Variants in ROCK1 observed in about 807,000 individuals in gnomAD.
ROCK1 encodes the protein Rho associated coiled-coil containing protein kinase 1.
In ROCK1, 36 loss-of-function variants were observed where a neutral mutation model predicts 196.8. That is an observed-to-expected ratio of 0.18 (90% CI 0.14 to 0.24). ROCK1 has a LOEUF of 0.24. ROCK1 is among the 10% of genes least tolerant of loss of function. The pLI, the probability that ROCK1 is intolerant of heterozygous loss-of-function variation, is 1.00. For missense variants in ROCK1, 920 were observed against 1,562.0 expected, an observed-to-expected ratio of 0.59 and a Z score of 6.93; for synonymous variants, 443 against 515.9, an observed-to-expected ratio of 0.86 and a Z score of 1.91.
At chr18:21,103,192 T>C (rs2036674232) in intron 1 of ROCK1, among the ~76,000 whole-genome samples, 1 of 152,148 alleles carries the variant, frequency 6.6e-6, no homozygotes, top group African/African-American at 2.4e-5. Context: ...TTACACTTCC[T>C]ATGTTCAGAA....
intron 11 of ROCK1, among the ~76,000 whole-genome samples, 168 bp downstream of exon 11, chr18:21,023,452 G>A (rs1454422942): frequency 1.3e-5 from 2 of 151,996 alleles, no homozygotes; most frequent in African/African-American, 2.4e-5. Flanking sequence ...TGATATTTGA[G>A]CAAAAAATCA....
chr18:21,101,421 A>G (rs1161986293), intron 1 of ROCK1, among the ~76,000 whole-genome samples: 1 of 152,246 alleles, frequency 6.6e-6, no homozygotes, highest in Non-Finnish European at 1.5e-5. Context: ...TGTGAGGCAA[A>G]AGAAAATACA....
Position 20,959,889 on chromosome 18 carries a change from C to T in ROCK1, c.3463G>A (p.Asp1155Asn). The T allele has an allele frequency of 6.2e-7, 1 of 1,611,056 alleles. No individual in the cohort carries two copies. Residue 1155 changes from aspartate (D) to asparagine (N), a missense_variant, in exon 29 of 33, where the codon GAC becomes AAC. This residue lies in a region of ROCK1 where 116 missense variants were observed against 204.2 expected (regional missense o/e 0.57). Transcript: ENST00000399799. The stretch of plus-strand genomic sequence containing the variant: ...TTGGATTGCTCCTTATCTTGTTCGT[C>T]ATTATAGAACAAAATTTTTTTGCTG... Reference protein sequence around the residue: ...VSSKKILFYNDEQDKEQSNPS... With the variant: ...VSSKKILFYNNEQDKEQSNPS...
chr18:21,108,508 C>T (rs575390550), intron 1 of ROCK1, among the ~76,000 whole-genome samples: 1 of 152,284 alleles, frequency 6.6e-6, no homozygotes, highest in African/African-American at 2.4e-5. Context: ...CACAACGAAT[C>T]TAAAATTGAA....
chr18:21,011,003 CT>C (rs1206880363), intron 13 of ROCK1, among the ~76,000 whole-genome samples: 1 of 152,064 alleles, frequency 6.6e-6, no homozygotes, highest in Non-Finnish European at 1.5e-5. Context: ...ATGCTGCTTT[CT>C]TTTTAATATT....
intron 32 of ROCK1, among the ~76,000 whole-genome samples, chr18:20,952,418 T>C (rs1015366482): frequency 1.3e-5 from 2 of 151,386 alleles, no homozygotes; most frequent in African/African-American, 4.9e-5. Context: ...AATGAATGAA[T>C]GAATGGTTAT....
intron 2 of ROCK1, among the ~76,000 whole-genome samples, chr18:21,067,926 T>G (rs1045643076): frequency 1.3e-5 from 2 of 152,190 alleles, no homozygotes; most frequent in African/African-American, 4.8e-5. Flanking sequence ...TTCATTCCCT[T>G]GCGTACGGAT....
Position 21,045,405 on chromosome 18 carries a change from T to G in ROCK1, c.477A>C (p.Gly159=). 3 of 1,613,754 alleles carry G rather than the reference T, an allele frequency of 1.9e-6. No homozygotes were observed. Among genetic ancestry groups the G allele is most frequent in the Non-Finnish European group, 2.5e-6 (3 of 1,179,944 alleles). The stretch of plus-strand genomic sequence containing the variant: ...AGTTGCTCATTAAGTTTACAAGATC[T>G]CCACCAGGCATGTATTCCATCACCA... ...LYMVMEYMPG[G]DLVNLMSNYD... Residue 159 remains glycine (G), a synonymous_variant, in exon 5 of 33, where the codon GGA becomes GGC. Transcript: ENST00000399799.
intron 13 of ROCK1, among the ~76,000 whole-genome samples, chr18:21,012,768 T>C (rs1454142422): frequency 3.3e-5 from 5 of 152,200 alleles, no homozygotes. Context: ...ACACAAATGT[T>C]AGAATTTTAT....
At chr18:20,999,192 T>C (rs545984038) in intron 16 of ROCK1, among the ~76,000 whole-genome samples, 17 of 152,236 alleles carry the variant, frequency 1.1e-4, no homozygotes, top group Non-Finnish European at 1.8e-4. Flanking sequence ...TGAAATATCA[T>C]TGTTTTAGCA....
At chr18:21,053,754 T>A (rs2036223915) in intron 2 of ROCK1, among the ~76,000 whole-genome samples, 1 of 152,178 alleles carries the variant, frequency 6.6e-6, no homozygotes, top group Non-Finnish European at 1.5e-5. Context: ...GAAGGACTGC[T>A]TGAGCCTAGG....
intron 29 of ROCK1, among the ~76,000 whole-genome samples, chr18:20,959,032 T>A (rs1257525714): frequency 1.5e-5 from 1 of 65,480 alleles, no homozygotes. Flanking sequence ...AATATATATA[T>A]TTTATATAAT....
chr18:20,962,277 G>A (rs917146881), intron 27 of ROCK1, among the ~76,000 whole-genome samples: 2 of 152,122 alleles, frequency 1.3e-5, no homozygotes, highest in African/African-American at 4.8e-5. Flanking sequence ...TTTCCCATTA[G>A]TGTGGTAGAA....
chr18:21,042,356 A>T (rs1410961704), intron 7 of ROCK1, 121 bp from the exon 8 acceptor site: 7 of 997,420 alleles, frequency 7.0e-6, no homozygotes, highest in Non-Finnish European at 1.0e-5. Flanking sequence ...AACTAAAAAC[A>T]TACACCTAAT....
At chr18:21,059,905 T>C (rs187680209) in intron 2 of ROCK1, among the ~76,000 whole-genome samples, 14 of 152,264 alleles carry the variant, frequency 9.2e-5, no homozygotes, top group Admixed American at 7.2e-4. Context: ...AATGAAAACA[T>C]GCTAAGCCAA....
At chr18:21,047,650 CGGGCGTGG>C (rs1163728921) in intron 4 of ROCK1, among the ~76,000 whole-genome samples, 49 of 152,096 alleles carry the variant, frequency 3.2e-4, no homozygotes, top group African/African-American at 1.2e-3. Flanking sequence ...AAATAATAGC[CGGGCGTGG>C]TGGCAGGCAC....
At chr18:20,995,169 A>G (rs986982684) in intron 16 of ROCK1, among the ~76,000 whole-genome samples, 2 of 152,238 alleles carry the variant, frequency 1.3e-5, no homozygotes, top group Non-Finnish European at 2.9e-5. Flanking sequence ...AGAAGAGATG[A>G]TTTTGAATGT....
At chr18:21,077,528 G>A (rs2036443704) in intron 1 of ROCK1, among the ~76,000 whole-genome samples, 1 of 152,180 alleles carries the variant, frequency 6.6e-6, no homozygotes, top group Non-Finnish European at 1.5e-5. Context: ...CACACCTGAG[G>A]TAAAAGATGG....
intron 16 of ROCK1, among the ~76,000 whole-genome samples, chr18:21,000,881 A>C (rs1462603792): frequency 6.6e-6 from 1 of 152,224 alleles, no homozygotes; most frequent in Non-Finnish European, 1.5e-5. Context: ...TAGAATTACA[A>C]GATGACTCAG....
Sources: allele counts gnomAD v4.1 joint callset (sites outside exome capture counted in the v4.1 genomes callset), GRCh38; gene constraint gnomAD v4.1.1; regional missense constraint gnomAD v4.1.1; transcripts MANE v1.5; gene names NCBI Gene and HGNC (gene_info 2026-07-23, HGNC 2026-07-21).